The following TERF2 variants were observed in gnomAD, a reference collection of about 807,000 sequenced individuals.
TERF2 encodes the protein telomeric repeat-binding factor 2.
TERF2 carries 16 observed loss-of-function variants against 56.1 expected under a neutral mutation model. The observed-to-expected ratio is 0.29, with a 90% CI of 0.19 to 0.43. The LOEUF (loss-of-function observed/expected upper bound fraction) is 0.43. Ranked by LOEUF, TERF2 falls within the 20% of genes least tolerant of loss-of-function variation. TERF2 has a pLI of 1.00. For missense variants in TERF2, 547 were observed against 712.9 expected (o/e 0.77, Z 2.65); for synonymous variants, 296 against 282.1 (o/e 1.05, Z -0.50).
At chr16:69,385,366 GAGA>G (rs755994262) in intron 2 of TERF2, 22 bp downstream of exon 2, 4 of 1,595,770 alleles carry the variant, frequency 2.5e-6, no homozygotes, top group Non-Finnish European at 3.4e-6. Context: ...AGTAAGCCCA[GAGA>G]AGAACACAAA....
chr16:69,363,181 T>C (rs1384695535), intron 7 of TERF2, among the ~76,000 whole-genome samples: 1 of 152,200 alleles, frequency 6.6e-6, no homozygotes, highest in African/African-American at 2.4e-5. Flanking sequence ...TGACTATTCA[T>C]AAATAAAAAT....
Position 69,385,791 on chromosome 16 carries a change from C to T in TERF2, c.181G>A (p.Ala61Thr). 7.7e-7 allele frequency: 1 copy of T among 1,295,356 alleles called. No individual in the cohort carries two copies. Among genetic ancestry groups the T allele is most frequent in the Non-Finnish European group, 9.8e-7 (1 of 1,022,562 alleles). The allele number at this position is 1,295,356 out of a possible 1,614,324, so 80.2% of individuals were successfully genotyped here. Residue 61 changes from alanine (A) to threonine (T), a missense_variant, in exon 1 of 10, where the codon GCG (alanine) becomes ACG (threonine). Ala to Thr is a moderately conservative substitution (Grantham distance 58). Around this residue, in one of 6 missense-constraint regions of TERF2, gnomAD observed 120 missense variants for 172.4 expected, o/e 0.70. Coordinates refer to ENST00000254942, the MANE Select transcript of TERF2 (RefSeq NM_005652.5). Reference protein sequence around the residue: ...DGSGRAAGRRASRSSGRARRG... With the variant: ...DGSGRAAGRRTSRSSGRARRG... ...CGGGCCCGCCCGCTACTGCGGGACG[C>T]CCGCCTGCCAGCTGCCCGCCCGCTG...
At chr16:69,361,913 C>A (rs143216637) in intron 7 of TERF2, among the ~76,000 whole-genome samples, 1 of 97,482 alleles carries the variant, frequency 1.0e-5, no homozygotes, top group Non-Finnish European at 2.4e-5. Flanking sequence ...TTCAAGCTCA[C>A]GGCGCCTTTC....
intron 5 of TERF2, among the ~76,000 whole-genome samples, chr16:69,370,019 G>C (rs1211463513): frequency 6.6e-6 from 1 of 152,058 alleles, no homozygotes; most frequent in Non-Finnish European, 1.5e-5. Context: ...CAGTATCTCT[G>C]CTTTTGTATT....
At chr16:69,370,713 G>A in intron 4 of TERF2, 84 bp from the exon 5 acceptor site, 1 of 1,373,326 alleles carries the variant, frequency 7.3e-7, no homozygotes, top group Non-Finnish European at 9.9e-7. Context: ...CAGACACTAT[G>A]AGAACTTCTG....
In TERF2 at chr16:69,384,610, G is replaced by C; in HGVS notation, c.576C>G (p.Val192=). 6.2e-7 allele frequency: 1 copy of C among 1,613,880 alleles called. No individual in the cohort carries two copies. The highest frequency in any genetic ancestry group is 8.5e-7 in the Non-Finnish European group (1 of 1,179,994). The change falls in exon 3 of 10, where the codon GTC becomes GTG. Residue 192 remains valine, a synonymous_variant. Coordinates refer to ENST00000254942, the MANE Select transcript of TERF2 (RefSeq NM_005652.5). ...CCTTGACCAGTTTTCTACTGGATTC[G>C]ACCACTGCTTCTGTCAGTGTAAATT... The part of the protein sequence containing the change: ...KTEFTLTEAV[V]ESSRKLVKEA...
intron 3 of TERF2, among the ~76,000 whole-genome samples, chr16:69,376,779 G>C (rs1158189554): frequency 6.7e-6 from 1 of 148,258 alleles, no homozygotes; most frequent in East Asian, 2.0e-4. Context: ...AAGAGCACCT[G>C]AGCCCAGGAG....
intron 6 of TERF2, 48 bp downstream of exon 6, chr16:69,368,328 C>A: frequency 6.3e-7 from 1 of 1,578,290 alleles, no homozygotes; most frequent in South Asian, 1.1e-5. Context: ...CTGCTTCCAG[C>A]GACCACCCTA....
chr16:69,370,463 G>T lies in TERF2; in HGVS notation c.840+20C>A. 1 of 1,612,336 alleles carries T rather than the reference G, an allele frequency of 6.2e-7. No individual in the cohort carries two copies. The highest frequency in any genetic ancestry group is 1.1e-5 in the South Asian group (1 of 90,798). ...TCCTCAAGGGCACACCATGGTTATG[G>T]GAGAAGGGCCAAGGCGCACCGTGAG... On this transcript the variant is annotated intron_variant, in intron 5 of 9. Coordinates refer to ENST00000254942, the MANE Select transcript of TERF2 (RefSeq NM_005652.5).
intron 5 of TERF2, among the ~76,000 whole-genome samples, chr16:69,368,946 G>T (rs958964229): frequency 1.3e-5 from 2 of 152,272 alleles, no homozygotes. Context: ...ATAGTGCTGG[G>T]ATTACAGGCA....
At chr16:69,364,030 A>G (rs2013246394) in intron 7 of TERF2, among the ~76,000 whole-genome samples, 1 of 152,184 alleles carries the variant, frequency 6.6e-6, no homozygotes, top group South Asian at 2.1e-4. Context: ...GAACAGACAG[A>G]CAACTCATGT....
At chr16:69,357,697 A>G in intron 8 of TERF2, 136 bp from the exon 9 acceptor site, 3 of 1,011,336 alleles carry the variant, frequency 3.0e-6, no homozygotes, top group Non-Finnish European at 2.9e-6. Flanking sequence ...GGATATCACT[A>G]AAGGATAATT....
At chr16:69,382,472 C>G (rs1168022594) in intron 3 of TERF2, among the ~76,000 whole-genome samples, 1 of 152,190 alleles carries the variant, frequency 6.6e-6, no homozygotes, top group Non-Finnish European at 1.5e-5. Flanking sequence ...GCCCCCAATG[C>G]GCCTCACCTC....
rs181931959 is a variant in TERF2, at chr16:69,356,669, G to A, written c.*229C>T. 3.8e-3 allele frequency: 1,558 copies of A among 409,250 alleles called. 59 individuals carry two copies. The East Asian group carries it at 0.061, about 16-fold the overall frequency. The allele number at this position is 409,250 out of a possible 1,614,324, so 25.4% of individuals were successfully genotyped here. A position where few individuals can be genotyped will look rare whatever the true frequency, so the allele number is the denominator to read the frequency against. ...CAAAACATTAGCCGGGCGTGATGGC[G>A]GGCGCCTGTAGTCCCAGCTACTCGG... On this transcript the variant is annotated 3_prime_UTR_variant, in exon 10 of 10. Coordinates refer to ENST00000254942, the MANE Select transcript of TERF2 (RefSeq NM_005652.5).
intron 8 of TERF2, among the ~76,000 whole-genome samples, chr16:69,361,066 C>T (rs565276697): frequency 6.6e-6 from 1 of 151,772 alleles, no homozygotes; most frequent in Admixed American, 6.6e-5. Flanking sequence ...GACCCCATCT[C>T]TACAAAAAGT....
chr16:69,370,657 T>G (rs752050524), intron 4 of TERF2, 28 bp from the exon 5 acceptor site: 1 of 1,577,226 alleles, frequency 6.3e-7, no homozygotes, highest in African/African-American at 1.4e-5. Flanking sequence ...ATTTGCAACA[T>G]GAGAAAGTAG....
intron 5 of TERF2, 59 bp downstream of exon 5, chr16:69,370,424 T>G: frequency 6.3e-7 from 1 of 1,579,042 alleles, no homozygotes; most frequent in Non-Finnish European, 8.6e-7. Flanking sequence ...TCAGATATTC[T>G]GATTCCCCGC....
intron 7 of TERF2, among the ~76,000 whole-genome samples, chr16:69,362,190 C>A (rs2013170491): frequency 6.6e-6 from 1 of 151,876 alleles, no homozygotes; most frequent in East Asian, 1.9e-4. Flanking sequence ...GCTCTTTCTT[C>A]CTTCCATAAG....
chr16:69,385,329 A>G (rs2014153389), intron 2 of TERF2, 62 bp downstream of exon 2: 3 of 1,406,592 alleles, frequency 2.1e-6, no homozygotes, highest in East Asian at 2.3e-5. Flanking sequence ...AGTTCTAGAT[A>G]TAAGTTTTAA....
Sources: allele counts gnomAD v4.1 joint callset (sites outside exome capture counted in the v4.1 genomes callset), GRCh38; gene constraint gnomAD v4.1.1; regional missense constraint gnomAD v4.1.1; transcripts MANE v1.5; gene names NCBI Gene and HGNC (gene_info 2026-07-23, HGNC 2026-07-21).